KLF8: variants seen among roughly 807,000 people sequenced by gnomAD.
The protein encoded by KLF8 is KLF transcription factor 8, also known as Krueppel-like factor 8.
KLF8 carries 10 observed loss-of-function variants against 18.2 expected under a neutral mutation model. The observed-to-expected ratio is 0.55, with a 90% CI of 0.34 to 0.93. KLF8 has a LOEUF of 0.93. Ranked by LOEUF, KLF8 falls within the 40% of genes least tolerant of loss-of-function variation. The pLI is 0.02. For missense variants in KLF8, 264 were observed against 277.9 expected (o/e 0.95, Z 0.36); for synonymous variants, 109 against 97.3 (o/e 1.12, Z -0.71).
At chrX:56,192,181 G>T in the KLF8 span, among the ~76,000 whole-genome samples, 1 of 111,377 alleles carries the variant, frequency 9.0e-6, no homozygotes. Flanking sequence ...ATGCCAAGAG[G>T]AAACCATCTG....
At chrX:56,056,134 A>C in the KLF8 span, among the ~76,000 whole-genome samples, 3 of 110,601 alleles carry the variant, frequency 2.7e-5, no homozygotes, top group Non-Finnish European at 5.7e-5. Context: ...AGACCAAGGC[A>C]CTCTGGCCTT....
the KLF8 span, among the ~76,000 whole-genome samples, chrX:56,020,571 A>G: frequency 1.8e-5 from 2 of 111,730 alleles, no homozygotes; most frequent in Non-Finnish European, 3.8e-5. Context: ...GATTTGGGCA[A>G]TGGAGTGAAG....
chrX:56,176,873 C>A, the KLF8 span, among the ~76,000 whole-genome samples: 9 of 111,415 alleles, frequency 8.1e-5, no homozygotes, highest in Admixed American at 9.6e-5. Context: ...TCACTGATAC[C>A]CTTTCTTCCA....
At chrX:56,075,233 T>C in the KLF8 span, among the ~76,000 whole-genome samples, 1 of 111,559 alleles carries the variant, frequency 9.0e-6, no homozygotes, top group South Asian at 3.6e-4. Context: ...TTAATTTTAA[T>C]AATTTTCTTA....
the KLF8 span, among the ~76,000 whole-genome samples, chrX:55,983,237 T>C: frequency 1.8e-5 from 2 of 111,593 alleles, no homozygotes; most frequent in Non-Finnish European, 3.8e-5. Context: ...TACTTTGTGG[T>C]GATGGAATCA....
At chrX:56,191,227 T>C in the KLF8 span, among the ~76,000 whole-genome samples, 4 of 111,755 alleles carry the variant, frequency 3.6e-5, no homozygotes, top group South Asian at 1.5e-3. Flanking sequence ...GATAAATTGC[T>C]AGAAACATAC....
the KLF8 span, among the ~76,000 whole-genome samples, chrX:56,035,654 CCTT>C: frequency 2.3e-4 from 26 of 111,806 alleles, no homozygotes; most frequent in African/African-American, 8.4e-4. Flanking sequence ...GATAAAGCCT[CCTT>C]AATTGGGGTG....
chrX:55,933,721 A>G, the KLF8 span, among the ~76,000 whole-genome samples: 1 of 111,779 alleles, frequency 8.9e-6, no homozygotes, highest in South Asian at 3.7e-4. Context: ...CTTTCCCACA[A>G]TTTTTTCTGT....
the KLF8 span, among the ~76,000 whole-genome samples, chrX:56,066,426 C>T: frequency 8.9e-6 from 1 of 112,006 alleles, no homozygotes; most frequent in Non-Finnish European, 1.9e-5. Context: ...TGGATATGTG[C>T]AGTATGTGCA....
chrX:56,190,863 A>G, the KLF8 span, among the ~76,000 whole-genome samples: 1 of 111,636 alleles, frequency 9.0e-6, no homozygotes, highest in African/African-American at 3.2e-5. Flanking sequence ...ATCTCAAAAG[A>G]CAAGGTAAGC....
At chrX:56,076,802 G>T in the KLF8 span, among the ~76,000 whole-genome samples, 1 of 111,777 alleles carries the variant, frequency 8.9e-6, no homozygotes, top group East Asian at 2.8e-4. Context: ...TCCAGCACAT[G>T]TTGTTTCCTG....
upstream of KLF8, among the ~76,000 whole-genome samples, chrX:56,229,584 CTA>C (rs1199831468): frequency 9.8e-5 from 11 of 111,857 alleles, no homozygotes; most frequent in South Asian, 7.5e-4. Context: ...CTGATTATTT[CTA>C]TGTGTCAAGA....
At chrX:56,091,893 A>G in the KLF8 span, among the ~76,000 whole-genome samples, 2 of 108,462 alleles carry the variant, frequency 1.8e-5, no homozygotes, top group African/African-American at 6.7e-5. Flanking sequence ...TCTCCATGGT[A>G]TTTTCCACAG....
At chrX:56,141,355 T>C in the KLF8 span, among the ~76,000 whole-genome samples, 643 of 112,038 alleles carry the variant, frequency 5.7e-3, 3 homozygotes, top group Middle Eastern at 0.019. Context: ...TTCATTTTTT[T>C]TGTGTGGGTA....
At chrX:55,957,834 T>C in the KLF8 span, among the ~76,000 whole-genome samples, 1 of 111,619 alleles carries the variant, frequency 9.0e-6, no homozygotes, top group Non-Finnish European at 1.9e-5. Context: ...TAATGGCACA[T>C]AATGAGGCTT....
At chrX:56,112,438 C>T in the KLF8 span, among the ~76,000 whole-genome samples, 1 of 111,385 alleles carries the variant, frequency 9.0e-6, no homozygotes, top group South Asian at 3.8e-4. Flanking sequence ...ATGTAACAAA[C>T]TTGCACGTTC....
chrX:56,202,956 C>T, the KLF8 span, among the ~76,000 whole-genome samples: 1 of 110,960 alleles, frequency 9.0e-6, no homozygotes. Flanking sequence ...AGTAGGATTG[C>T]TGGATCTTAT....
chrX:55,928,876 G>T, the KLF8 span, among the ~76,000 whole-genome samples: 1 of 111,917 alleles, frequency 8.9e-6, no homozygotes, highest in Non-Finnish European at 1.9e-5. Context: ...AATCTTTTGG[G>T]TCTATACCCA....
At chrX:56,050,450 A>C in the KLF8 span, among the ~76,000 whole-genome samples, 1 of 111,979 alleles carries the variant, frequency 8.9e-6, no homozygotes, top group Non-Finnish European at 1.9e-5. Flanking sequence ...TGTGTCCCAG[A>C]GATTCTGGTA....
Sources: gnomAD v4.1 joint callset for allele counts (sites outside exome capture counted in the v4.1 genomes callset) on GRCh38, gnomAD v4.1.1 for gene constraint, MANE v1.5 for transcripts, NCBI Gene and HGNC (gene_info 2026-07-23, HGNC 2026-07-21) for gene names.